LRP1B: variants seen among roughly 807,000 people sequenced by gnomAD.
LRP1B encodes the protein LDL receptor related protein 1B, also known as low-density lipoprotein receptor-related protein 1B.
A neutral mutation model predicts 556.6 loss-of-function variants in LRP1B; 217 were observed. The observed-to-expected ratio is 0.39, with a 90% confidence interval of 0.35 to 0.44. The LOEUF (loss-of-function observed/expected upper bound fraction) is 0.44. LRP1B is among the 20% of genes least tolerant of loss of function. LRP1B has a pLI of 1.00. For missense variants in LRP1B, 5,053 were observed against 5,620.8 expected (o/e 0.90, Z 3.23); for synonymous variants, 2,047 against 1,865.8 (o/e 1.10, Z -2.50).
At chr2:141,497,988 G>A (rs1044113805) in intron 2 of LRP1B, among the ~76,000 whole-genome samples, 2 of 151,294 alleles carry the variant, frequency 1.3e-5, no homozygotes, top group African/African-American at 2.4e-5. Flanking sequence ...AAAACTTAAC[G>A]TTAGTATCTA....
Position 140,356,465 on chromosome 2 carries a change from A to G in LRP1B, c.11407T>C (p.Tyr3803His), listed in dbSNP as rs934136627. The change falls in exon 75 of 91, where the codon TAT (tyrosine) becomes CAT (histidine). Residue 3803 changes from tyrosine to histidine, a missense_variant. Tyr to His is a moderately conservative substitution (Grantham distance 83). Transcript: ENST00000389484. ...GGATTCACATTATCTTCACAGGTAT[A>G]TTCAGTAGGAGCTGGGATTTAAAAA... ...EQGCRIAPTE[Y>H]TCEDNVNPCG... 4 of 1,602,566 alleles carry G rather than the reference A, an allele frequency of 2.5e-6. No individual in the cohort carries two copies. Among genetic ancestry groups the G allele is most frequent in the Admixed American group, 3.4e-5 (2 of 59,316 alleles).
chr2:141,968,457 G>A (rs1701626327), intron 1 of LRP1B, among the ~76,000 whole-genome samples: 1 of 151,082 alleles, frequency 6.6e-6, no homozygotes. Context: ...CCCAACCCTG[G>A]CTAACTTGGC....
intron 2 of LRP1B, among the ~76,000 whole-genome samples, chr2:141,519,256 T>C (rs1311275548): frequency 6.6e-6 from 1 of 151,256 alleles, no homozygotes; most frequent in Non-Finnish European, 1.5e-5. Context: ...TGGATACCTA[T>C]CAATCAGGAT....
Position 140,409,038 on chromosome 2 carries a change from T to C in LRP1B, c.10415-23029A>G, listed in dbSNP as rs541568061. Among the ~76,000 whole-genome samples the C allele has an allele frequency of 9.2e-5, 14 of 152,030 alleles. No homozygotes were observed. The South Asian group carries it at 2.5e-3, about 27-fold the overall frequency. ...GAAAGGAGCATTTATATTTGAACTTTTGTTTTTTACTATGAATTTCACATG... is the reference window on the plus strand; with the variant it reads ...GAAAGGAGCATTTATATTTGAACTTCTGTTTTTTACTATGAATTTCACATG... On this transcript the variant is annotated intron_variant, in intron 66 of 90. Coordinates refer to ENST00000389484, the MANE Select transcript of LRP1B (RefSeq NM_018557.3).
chr2:141,036,911 C>A (rs952099060), intron 11 of LRP1B, among the ~76,000 whole-genome samples: 1 of 151,908 alleles, frequency 6.6e-6, no homozygotes, highest in Admixed American at 6.6e-5. Flanking sequence ...TATCTCCTGC[C>A]CAAAACTCCC....
intron 41 of LRP1B, among the ~76,000 whole-genome samples, chr2:140,645,397 A>T (rs1292432831): frequency 6.6e-6 from 1 of 152,076 alleles, no homozygotes; most frequent in Non-Finnish European, 1.5e-5. Context: ...ACCATTAGAC[A>T]TGAAGTTTAT....
intron 32 of LRP1B, among the ~76,000 whole-genome samples, chr2:140,790,079 AT>A (rs1412303301): frequency 2.0e-5 from 3 of 151,344 alleles, no homozygotes; most frequent in Non-Finnish European, 4.4e-5. Flanking sequence ...ATTTCACACC[AT>A]TTTTCTCTGT....
intron 7 of LRP1B, among the ~76,000 whole-genome samples, chr2:141,069,201 T>C (rs543365246): frequency 8.5e-4 from 129 of 151,988 alleles, no homozygotes; most frequent in African/African-American, 3.0e-3. Context: ...TCATTCACCT[T>C]TTTATTATGA....
chr2:142,091,574 T>G (rs902583934), intron 1 of LRP1B, among the ~76,000 whole-genome samples: 2 of 152,134 alleles, frequency 1.3e-5, no homozygotes, highest in African/African-American at 4.8e-5. Flanking sequence ...TATGCAATTG[T>G]TAACTATAAG....
Position 140,668,587 on chromosome 2 carries a change from G to A in LRP1B, c.6799+31663C>T, listed in dbSNP as rs374784731. On this transcript the variant is annotated intron_variant, in intron 41 of 90. Transcript: ENST00000389484. ...TGTTTGGTCTTCTGGACCTGCTATC[G>A]TTCATATAAATAGCCTCCTTCAAAA... Among the ~76,000 whole-genome samples, 11 of 151,980 alleles carry A rather than the reference G, an allele frequency of 7.2e-5. No homozygotes were observed. In the South Asian group the frequency reaches 1.2e-3, roughly 17 times the overall value.
chr2:141,345,732 T>C (rs1688230973), intron 3 of LRP1B, among the ~76,000 whole-genome samples: 1 of 151,438 alleles, frequency 6.6e-6, no homozygotes, highest in South Asian at 2.1e-4. Flanking sequence ...CTTGAACCAC[T>C]GGCCTCAAGT....
At chr2:141,263,010 T>C (rs915491761) in intron 3 of LRP1B, among the ~76,000 whole-genome samples, 1 of 151,930 alleles carries the variant, frequency 6.6e-6, no homozygotes, top group East Asian at 1.9e-4. Context: ...TACTGAGCCT[T>C]CTAATTAAAA....
intron 1 of LRP1B, among the ~76,000 whole-genome samples, chr2:141,904,406 C>T (rs759088414): frequency 2.6e-5 from 4 of 151,788 alleles, no homozygotes; most frequent in Non-Finnish European, 5.9e-5. Context: ...TATCTTAGGC[C>T]TTATCCTGTA....
intron 7 of LRP1B, among the ~76,000 whole-genome samples, chr2:141,102,178 C>G (rs573303087): frequency 6.6e-6 from 1 of 152,204 alleles, no homozygotes; most frequent in South Asian, 2.1e-4. Flanking sequence ...ATTCTTCACC[C>G]TTAGTGGTAG....
Position 141,000,310 on chromosome 2 carries a change from T to C in LRP1B, c.2503+5025A>G, listed in dbSNP as rs192607094. ...GATATTTAAACACAGGTGAGCTTTGTTAAAATAAACATAAAGGACAAGCTT... is the reference window on the plus strand; with the variant it reads ...GATATTTAAACACAGGTGAGCTTTGCTAAAATAAACATAAAGGACAAGCTT... On this transcript the variant is annotated intron_variant, in intron 15 of 90. Transcript: ENST00000389484. 1.3e-4 allele frequency among the ~76,000 whole-genome samples: 20 copies of C among 152,154 alleles called. No individual in the cohort carries two copies. The East Asian group carries it at 3.9e-3, about 30-fold the overall frequency.
At chr2:140,967,592 G>A (rs1176699066) in intron 18 of LRP1B, among the ~76,000 whole-genome samples, 1 of 151,932 alleles carries the variant, frequency 6.6e-6, no homozygotes, top group Non-Finnish European at 1.5e-5. Context: ...TAGGAGTGGT[G>A]AGAGAGGGCA....
chr2:141,520,661 T>G (rs1254596939), intron 2 of LRP1B, among the ~76,000 whole-genome samples: 1 of 152,090 alleles, frequency 6.6e-6, no homozygotes, highest in Non-Finnish European at 1.5e-5. Flanking sequence ...TAAATTCACC[T>G]CTGTTTCATG....
chr2:141,862,940 G>T (rs945206418), intron 1 of LRP1B, among the ~76,000 whole-genome samples: 2 of 152,168 alleles, frequency 1.3e-5, no homozygotes, highest in African/African-American at 2.4e-5. Flanking sequence ...ACCATAATAA[G>T]CTCTATCTAA....
At chr2:141,696,713 T>G (rs1439718297) in intron 2 of LRP1B, among the ~76,000 whole-genome samples, 2 of 151,968 alleles carry the variant, frequency 1.3e-5, no homozygotes, top group African/African-American at 4.8e-5. Flanking sequence ...AGAACCACTA[T>G]AGTGATTAAA....
Sources: allele counts gnomAD v4.1 joint callset (sites outside exome capture counted in the v4.1 genomes callset), GRCh38; gene constraint gnomAD v4.1.1; transcripts MANE v1.5; gene names NCBI Gene and HGNC (gene_info 2026-07-23, HGNC 2026-07-21).